The following LUC7L variants were observed in gnomAD, a reference collection of about 807,000 sequenced individuals.
LUC7L encodes the protein LUC7 like.
Under a neutral mutation model 51.1 loss-of-function variants are expected in LUC7L, and 29 were observed. That is an observed-to-expected ratio of 0.57 (90% CI 0.42 to 0.77). The LOEUF is 0.77. LUC7L is among the 30% of genes least tolerant of loss of function. The pLI is 0.00. For synonymous variants in LUC7L, 181 were observed against 180.7 expected, an observed-to-expected ratio of 1.00 and a Z score of -0.01; for missense variants, 403 against 511.9, an observed-to-expected ratio of 0.79 and a Z score of 2.05.
intron 6 of LUC7L, among the ~76,000 whole-genome samples, chr16:193,462 A>G (rs2049066166): frequency 6.6e-6 from 1 of 151,574 alleles, no homozygotes; most frequent in Admixed American, 6.6e-5. Context: ...TCATTTTTAA[A>G]ACTTCTTAAT....
intron 6 of LUC7L, among the ~76,000 whole-genome samples, chr16:193,821 T>G (rs2049077239): frequency 6.6e-6 from 1 of 151,276 alleles, no homozygotes; most frequent in African/African-American, 2.4e-5. Flanking sequence ...TTTTTTTTTT[T>G]GAGACGGAGT....
chr16:220,448 A>G (rs2049933212), intron 3 of LUC7L: 1 of 508,268 alleles, frequency 2.0e-6, no homozygotes, highest in African/African-American at 1.9e-5. Flanking sequence ...GATAACACAT[A>G]TTATCATTTA....
chr16:225,690 GATCAGGC>G (rs1206348536), intron 2 of LUC7L, among the ~76,000 whole-genome samples: 1 of 151,134 alleles, frequency 6.6e-6, no homozygotes, highest in African/African-American at 2.4e-5. Context: ...TATCTATGTT[GATCAGGC>G]TGGTCGCCAA....
chr16:201,552 G>A (rs1386308431), intron 5 of LUC7L, among the ~76,000 whole-genome samples: 1 of 151,560 alleles, frequency 6.6e-6, no homozygotes, highest in Non-Finnish European at 1.5e-5. Context: ...CCATTCACCT[G>A]CCTCAGCCTC....
At chr16:190,675 C>A in intron 7 of LUC7L, 105 bp from the exon 8 acceptor site, 1 of 990,288 alleles carries the variant, frequency 1.0e-6, no homozygotes, top group South Asian at 1.3e-5. Context: ...AGGTCACGAG[C>A]TGGAGACCAG....
At chr16:209,479 G>C (rs2049577972) in intron 3 of LUC7L, 1 of 109,410 alleles carries the variant, frequency 9.1e-6, no homozygotes, top group African/African-American at 3.9e-5. Context: ...AACAGAGCAA[G>C]ATTCCATCTC....
At chr16:212,225 G>A (rs865869621) in intron 3 of LUC7L, among the ~76,000 whole-genome samples, 11 of 152,250 alleles carry the variant, frequency 7.2e-5, no homozygotes, top group Admixed American at 2.0e-4. Flanking sequence ...CTCGGGAGGC[G>A]GAGGTTGCAG....
intron 5 of LUC7L, among the ~76,000 whole-genome samples, chr16:200,686 AC>A (rs1254006721): frequency 6.6e-6 from 1 of 152,112 alleles, no homozygotes; most frequent in Non-Finnish European, 1.5e-5. Flanking sequence ...GATTGAGATC[AC>A]CCTGAGCAAC....
At chr16:193,331 G>A (rs1321295224) in intron 6 of LUC7L, among the ~76,000 whole-genome samples, 1 of 151,842 alleles carries the variant, frequency 6.6e-6, no homozygotes, top group African/African-American at 2.4e-5. Flanking sequence ...ATTTTTAGTA[G>A]AGATGGGGTT....
intron 9 of LUC7L, chr16:189,715 G>C: frequency 7.3e-7 from 1 of 1,367,180 alleles, no homozygotes; most frequent in Non-Finnish European, 9.4e-7. Flanking sequence ...CTCTGAGCAT[G>C]GACGCAACAG....
At chr16:206,513 T>C (rs1411113865) in intron 4 of LUC7L, among the ~76,000 whole-genome samples, 1 of 152,190 alleles carries the variant, frequency 6.6e-6, no homozygotes, top group African/African-American at 2.4e-5. Flanking sequence ...ATTTACCTTC[T>C]GAAACAAAAT....
chr16:195,988 TAAAAC>T (rs2142045155), intron 6 of LUC7L, among the ~76,000 whole-genome samples: 1 of 152,254 alleles, frequency 6.6e-6, no homozygotes, highest in African/African-American at 2.4e-5. Flanking sequence ...GCTGCAATGA[TAAAAC>T]AAGCTTTCTA....
chr16:226,268 TC>T (rs1181742169), intron 2 of LUC7L, among the ~76,000 whole-genome samples: 7 of 152,172 alleles, frequency 4.6e-5, no homozygotes, highest in Non-Finnish European at 1.0e-4. Flanking sequence ...GAAGAAAACT[TC>T]CTTTAACATA....
chr16:226,615 G>A lies in LUC7L; in HGVS notation c.156+627C>T, dbSNP rs11865490. Among the ~76,000 whole-genome samples, 712 of 152,138 alleles carry A rather than the reference G, an allele frequency of 4.7e-3. 5 individuals are homozygous for A. The highest frequency in any genetic ancestry group is 0.017 in the African/African-American group (688 of 41,502). On this transcript the variant is annotated intron_variant, in intron 2 of 9. Coordinates refer to ENST00000293872, the MANE Select transcript of LUC7L (RefSeq NM_201412.3). ...TGATTTTTAAAAACCAAAAAATTGC[G>A]GGAAGAAAATGTACCTTGCTAGATC... is the stretch of plus-strand genomic sequence containing the variant.
Position 219,648 on chromosome 16 carries a change from G to A in LUC7L, c.255+1001C>T, listed in dbSNP as rs139662344. Among the ~76,000 whole-genome samples, 464 of 151,780 alleles carry A rather than the reference G, an allele frequency of 3.1e-3. 1 individual carries two copies. Among genetic ancestry groups the A allele is most frequent in the Non-Finnish European group, 4.7e-3 (320 of 67,818 alleles). ...AGCACTTTGGGAGGCTGAGGCGGGC[G>A]GATCACCTGACGTTGAGAGTTCGAG... On this transcript the variant is annotated intron_variant, in intron 3 of 9. Transcript: ENST00000293872.
intron 2 of LUC7L, 97 bp downstream of exon 2, chr16:227,145 G>C (rs578016223): frequency 2.1e-6 from 2 of 935,722 alleles, no homozygotes; most frequent in South Asian, 1.5e-5. Flanking sequence ...GAGAAAAAGA[G>C]ACTTAAGTTA....
Position 220,516 on chromosome 16 carries a change from T to G in LUC7L, c.255+133A>C, listed in dbSNP as rs1363566820. 5 of 698,814 alleles carry G rather than the reference T, an allele frequency of 7.2e-6. No homozygotes were observed. The African/African-American group carries it at 8.8e-5, about 12-fold the overall frequency. 43.3% of individuals were successfully genotyped at this position (698,814 alleles called of 1,614,324 possible). On this transcript the variant is annotated intron_variant, in intron 3 of 9. Coordinates refer to ENST00000293872, the MANE Select transcript of LUC7L (RefSeq NM_201412.3). ...AACAGTACTGGCTGTATTCTAGCTC[T>G]GAGCTTGAGTGGCAGGATAACAAGC...
chr16:207,781 A>G (rs1346667715), intron 4 of LUC7L, among the ~76,000 whole-genome samples: 1 of 152,090 alleles, frequency 6.6e-6, no homozygotes, highest in Non-Finnish European at 1.5e-5. Flanking sequence ...AGGCTGAGGC[A>G]GGCAGATCAC....
intron 7 of LUC7L, among the ~76,000 whole-genome samples, chr16:191,056 C>T (rs904316335): frequency 6.6e-6 from 1 of 152,160 alleles, no homozygotes; most frequent in African/African-American, 2.4e-5. Context: ...CCCACAGCCA[C>T]TCTGTGGCAC....
Sources: allele counts gnomAD v4.1 joint callset (sites outside exome capture counted in the v4.1 genomes callset), GRCh38; gene constraint gnomAD v4.1.1; transcripts MANE v1.5; gene names NCBI Gene and HGNC (gene_info 2026-07-23, HGNC 2026-07-21).